GTF3C3: variants seen among roughly 807,000 people sequenced by gnomAD.
The protein encoded by GTF3C3 is general transcription factor IIIC subunit 3.
GTF3C3 carries 75 observed loss-of-function variants against 105.2 expected under a neutral mutation model. The ratio of observed to expected loss-of-function variants is 0.71; its 90% CI spans 0.59 to 0.86. The LOEUF is 0.86. GTF3C3 is among the 40% of genes least tolerant of loss of function. The pLI is 0.00. For missense variants in GTF3C3, 856 were observed against 1,076.5 expected (o/e 0.80, Z 2.87); for synonymous variants, 335 against 370.4 (o/e 0.90, Z 1.10).
chr2:196,775,299 G>C, intron 12 of GTF3C3, 48 bp from the exon 13 acceptor site: 1 of 1,533,424 alleles, frequency 6.5e-7, no homozygotes, highest in Non-Finnish European at 8.8e-7. Context: ...TAACTGTTTT[G>C]TTTAGAGACA....
intron 4 of GTF3C3, 144 bp from the exon 5 acceptor site, chr2:196,790,214 G>T (rs748322708): frequency 2.1e-6 from 1 of 465,340 alleles, no homozygotes; most frequent in Non-Finnish European, 3.7e-6. Context: ...AACTGCTTAA[G>T]GCAAGTTGAA....
At chr2:196,771,995 T>C in intron 14 of GTF3C3, 57 bp from the exon 15 acceptor site, 1 of 1,241,088 alleles carries the variant, frequency 8.1e-7, no homozygotes, top group Non-Finnish European at 1.2e-6. Flanking sequence ...TCCTGATTTC[T>C]AAAAATGAAA....
chr2:196,793,679 TGTGA>T (rs568956242), intron 2 of GTF3C3, among the ~76,000 whole-genome samples: 41 of 152,014 alleles, frequency 2.7e-4, no homozygotes, highest in South Asian at 2.1e-4. Flanking sequence ...ACAAAATGAG[TGTGA>T]GTGTGTGTGT....
intron 2 of GTF3C3, 77 bp from the exon 3 acceptor site, chr2:196,793,229 AT>A: frequency 9.0e-7 from 1 of 1,107,200 alleles, no homozygotes; most frequent in Non-Finnish European, 1.3e-6. Flanking sequence ...TTTTCTAAGT[AT>A]AAATTTTTAC....
intron 14 of GTF3C3, among the ~76,000 whole-genome samples, chr2:196,772,524 G>A (rs1234810526): frequency 6.6e-6 from 1 of 151,896 alleles, no homozygotes; most frequent in African/African-American, 2.4e-5. Flanking sequence ...CTCCAGCCTG[G>A]GCAATAGGAG....
chr2:196,781,350 A>T (rs1320251816), intron 8 of GTF3C3, among the ~76,000 whole-genome samples: 6 of 89,934 alleles, frequency 6.7e-5, no homozygotes, highest in African/African-American at 2.1e-4. Context: ...GGGAAAAAAA[A>T]AAAAAAAATA....
chr2:196,765,762 G>T (rs553998599), intron 17 of GTF3C3, among the ~76,000 whole-genome samples: 1 of 151,938 alleles, frequency 6.6e-6, no homozygotes, highest in Admixed American at 6.6e-5. Context: ...TGTAATCCCA[G>T]CACTTTGGGA....
Position 196,779,085 on chromosome 2 carries a change from GC to G in GTF3C3, c.1219-19del. 1.3e-6 allele frequency: 2 copies of G among 1,590,310 alleles called. No individual in the cohort carries two copies. The highest frequency in any genetic ancestry group is 4.5e-5 in the East Asian group (2 of 44,544). Reference sequence around the variant, plus strand: ...AAGAGAGGCTAGACCACAAATAAAAGCCCCAAGTTAAACATTCATTACAAAC... The same window carrying G: ...AAGAGAGGCTAGACCACAAATAAAAGCCCAAGTTAAACATTCATTACAAAC... On this transcript the variant is annotated intron_variant, in intron 9 of 17. Coordinates refer to ENST00000263956, the MANE Select transcript of GTF3C3 (RefSeq NM_012086.5).
chr2:196,764,951 TAA>T (rs915633425), intron 17 of GTF3C3, among the ~76,000 whole-genome samples: 1 of 152,110 alleles, frequency 6.6e-6, no homozygotes, highest in Non-Finnish European at 1.5e-5. Context: ...ATTTTAGAGT[TAA>T]AAAAGAAACC....
intron 8 of GTF3C3, among the ~76,000 whole-genome samples, chr2:196,782,663 A>G (rs1465700839): frequency 6.6e-6 from 1 of 152,174 alleles, no homozygotes; most frequent in Non-Finnish European, 1.5e-5. Flanking sequence ...AATATGAGAC[A>G]ATGTAGAATT....
chr2:196,799,444 G>A, intron 1 of GTF3C3, 66 bp downstream of exon 1: 1 of 1,204,524 alleles, frequency 8.3e-7, no homozygotes, highest in South Asian at 1.2e-5. Flanking sequence ...GGTCGTCTGG[G>A]TCCCCCACAC....
intron 2 of GTF3C3, 107 bp from the exon 3 acceptor site, chr2:196,793,259 G>C: frequency 1.3e-6 from 1 of 748,106 alleles, no homozygotes. Context: ...CACCAAATTT[G>C]AAAGTAAAAA....
intron 4 of GTF3C3, among the ~76,000 whole-genome samples, chr2:196,791,077 C>A (rs928621975): frequency 6.6e-6 from 1 of 151,952 alleles, no homozygotes; most frequent in Admixed American, 6.6e-5. Flanking sequence ...ATTTGCCATA[C>A]TGACAATTCA....
At chr2:196,792,854 C>G (rs751130661) in intron 3 of GTF3C3, 102 bp downstream of exon 3, 2 of 738,286 alleles carry the variant, frequency 2.7e-6, no homozygotes, top group Non-Finnish European at 4.7e-6. Flanking sequence ...ATAGTATTTC[C>G]TTTCGTACAG....
chr2:196,781,357 AATATAT>A (rs1553578901), intron 8 of GTF3C3, among the ~76,000 whole-genome samples: 9 of 18,816 alleles, frequency 4.8e-4, no homozygotes, highest in Admixed American at 1.0e-3. Flanking sequence ...AAAAAAAAAA[AATATAT>A]ATATATATAT....
rs1699028718 is a variant in GTF3C3 at position 196,764,658 on chromosome 2, G to GT, written c.2565dup (p.Arg856ThrfsTer37). ...GACAAGTTGTAGGCAATATCTCTTC[G>GT]TAAGTCTAACTGGTCAAGTTCTATA... On this transcript the variant is annotated frameshift_variant, in exon 18 of 18. Coordinates refer to ENST00000263956, the MANE Select transcript of GTF3C3 (RefSeq NM_012086.5). LOFTEE classifies it high-confidence loss of function. 4 of 1,611,386 alleles carry GT rather than the reference G, an allele frequency of 2.5e-6. No homozygotes were observed. The highest frequency in any genetic ancestry group is 2.5e-6 in the Non-Finnish European group (3 of 1,177,764).
Position 196,780,635 on chromosome 2 carries a change from G to A in GTF3C3, c.1142C>T (p.Pro381Leu). 1.2e-6 allele frequency: 2 copies of A among 1,612,866 alleles called. No individual in the cohort carries two copies. The highest frequency in any genetic ancestry group is 2.2e-5 in the South Asian group (2 of 90,938). Residue 381 changes from proline to leucine, a missense_variant, in exon 9 of 18, where the codon CCT becomes CTT. Pro to Leu is a moderately conservative substitution (Grantham distance 98, BLOSUM62 -3). Around this residue, in one of 3 missense-constraint regions of GTF3C3, gnomAD observed 605 missense variants for 833.6 expected, o/e 0.73. Transcript: ENST00000263956. ...TGTGATATCTATTGGCACGCCATCA[G>A]GTATAGTGCAGGTAACATTCTCAGG... ...KAPENVTCTIPDGVPIDITVK... is the reference protein window; with the variant it reads ...KAPENVTCTILDGVPIDITVK...
chr2:196,769,993 A>G lies in GTF3C3; in HGVS notation c.2307T>C (p.Tyr769=). 1 of 1,584,712 alleles carries G rather than the reference A, an allele frequency of 6.3e-7. No individual in the cohort carries two copies. The highest frequency in any genetic ancestry group is 8.5e-7 in the Non-Finnish European group (1 of 1,169,932). The change falls in exon 16 of 18, where the codon TAT becomes TAC. Residue 769 remains tyrosine (Y), a synonymous_variant. Coordinates refer to ENST00000263956, the MANE Select transcript of GTF3C3 (RefSeq NM_012086.5). ...AFRTHPDEPL[Y]SFCIGLTFIH... ...TAAAGGTTAGGCCTATACAGAAGCT[A>G]TAGAGAGGTTCGTCAGGGTGAGTGC...
At chr2:196,766,164 C>CATAGTATTGGCAACACTTT (rs1699063869) in intron 17 of GTF3C3, among the ~76,000 whole-genome samples, 1 of 152,038 alleles carries the variant, frequency 6.6e-6, no homozygotes, top group Non-Finnish European at 1.5e-5. Flanking sequence ...CACAGATCAT[C>CATAGTATTGGCAACACTTT]ATAGTATTGG....
Sources: allele counts gnomAD v4.1 joint callset (sites outside exome capture counted in the v4.1 genomes callset), GRCh38; gene constraint gnomAD v4.1.1; regional missense constraint gnomAD v4.1.1; transcripts MANE v1.5; gene names NCBI Gene and HGNC (gene_info 2026-07-23, HGNC 2026-07-21).